OR9Q1: variants seen among roughly 807,000 people sequenced by gnomAD.
OR9Q1 encodes the protein olfactory receptor family 9 subfamily Q member 1.
For missense variants in OR9Q1, 374 were observed against 378.8 expected, an observed-to-expected ratio of 0.99 and a Z score of 0.11; for synonymous variants, 153 against 148.6, an observed-to-expected ratio of 1.03 and a Z score of -0.22.
chr11:58,071,973 C>T (rs1197323453), intron 2 of OR9Q1, among the ~76,000 whole-genome samples: 1 of 152,072 alleles, frequency 6.6e-6, no homozygotes, highest in African/African-American at 2.4e-5. Context: ...GGGTCTAATT[C>T]CTGGGTGATG....
chr11:58,106,653 TTTAGAG>T (rs1853843179), intron 2 of OR9Q1, among the ~76,000 whole-genome samples: 1 of 152,170 alleles, frequency 6.6e-6, no homozygotes, highest in South Asian at 2.1e-4. Flanking sequence ...TTTTAATCTG[TTTAGAG>T]TTAATTTTTG....
At chr11:58,053,661 A>ATTATATATATATTAT (rs1254851190) in intron 1 of OR9Q1, among the ~76,000 whole-genome samples, 18 of 22,916 alleles carry the variant, frequency 7.9e-4, no homozygotes, top group African/African-American at 2.1e-3. Context: ...ATATATATAA[A>ATTATATATATATTAT]ATATATATAT....
intron 2 of OR9Q1, among the ~76,000 whole-genome samples, chr11:58,076,137 C>A (rs2513724): frequency 0.16 from 24,218 of 152,150 alleles, 3,361 homozygotes; most frequent in African/African-American, 0.35. Context: ...ATGGAGAAAA[C>A]TTTTTGGCCT....
chr11:58,163,306 G>A (rs1287265235), intron 2 of OR9Q1, among the ~76,000 whole-genome samples: 1 of 152,200 alleles, frequency 6.6e-6, no homozygotes, highest in Non-Finnish European at 1.5e-5. Context: ...ATCTGTGTGT[G>A]TATAAATTTC....
Position 58,026,160 on chromosome 11 carries a change from G to T in OR9Q1, c.-93+2056G>T, listed in dbSNP as rs576496470. On this transcript the variant is annotated intron_variant, in intron 1 of 2. Transcript: ENST00000335397. ...AAGGCAGGACTTGCAACTCATTTTG[G>T]GTTAGAGGCCTGATGCCTGGTACCA... Among the ~76,000 whole-genome samples, 9 of 152,244 alleles carry T rather than the reference G, an allele frequency of 5.9e-5. No homozygotes were observed. In the South Asian group the frequency reaches 1.9e-3, roughly 32 times the overall value.
chr11:58,145,930 C>A (rs1776740290), intron 2 of OR9Q1, among the ~76,000 whole-genome samples: 1 of 151,994 alleles, frequency 6.6e-6, no homozygotes, highest in Admixed American at 6.6e-5. Context: ...AACATTCAGT[C>A]ATACCCAATT....
At chr11:58,091,613 A>C (rs1434337748) in intron 2 of OR9Q1, among the ~76,000 whole-genome samples, 1 of 152,142 alleles carries the variant, frequency 6.6e-6, no homozygotes, top group Non-Finnish European at 1.5e-5. Context: ...AGAAGAATGT[A>C]TATTCTGTTG....
At chr11:58,147,485 G>A (rs1004970480) in intron 2 of OR9Q1, among the ~76,000 whole-genome samples, 7 of 152,156 alleles carry the variant, frequency 4.6e-5, no homozygotes, top group Non-Finnish European at 7.4e-5. Flanking sequence ...ACAAAGAAAT[G>A]AGTAAAATGC....
intron 1 of OR9Q1, among the ~76,000 whole-genome samples, chr11:58,053,882 A>G (rs1853300934): frequency 6.6e-6 from 1 of 151,736 alleles, no homozygotes; most frequent in Non-Finnish European, 1.5e-5. Flanking sequence ...CATCCCAACC[A>G]CCAGTTCTGG....
At chr11:58,157,722 T>C (rs1317390971) in intron 2 of OR9Q1, among the ~76,000 whole-genome samples, 1 of 152,230 alleles carries the variant, frequency 6.6e-6, no homozygotes, top group Non-Finnish European at 1.5e-5. Context: ...GCTGTTTCAA[T>C]GACTAGAAGC....
intron 2 of OR9Q1, among the ~76,000 whole-genome samples, chr11:58,174,045 G>A (rs1205110883): frequency 6.6e-6 from 1 of 152,108 alleles, no homozygotes; most frequent in Non-Finnish European, 1.5e-5. Context: ...TAGAATAAGA[G>A]TATTTATGGA....
Position 58,180,998 on chromosome 11 carries a change from T to G in OR9Q1, c.*621T>G, listed in dbSNP as rs1392063441. The stretch of plus-strand genomic sequence containing the variant: ...TGATCAAACTATGGTCGTTTGATGA[T>G]CCAATTAGCAAAGCTGACCCTACTC... On this transcript the variant is annotated 3_prime_UTR_variant, in exon 3 of 3. Transcript: ENST00000335397. 1 of 167,054 alleles carries G rather than the reference T, an allele frequency of 6.0e-6. No individual in the cohort carries two copies. Among genetic ancestry groups the G allele is most frequent in the Non-Finnish European group, 1.5e-5 (1 of 68,114 alleles). The allele number at this position is 167,054 out of a possible 1,614,324, so 10.3% of individuals were successfully genotyped here. A position where few individuals can be genotyped will look rare whatever the true frequency, so the allele number is the denominator to read the frequency against.
intron 2 of OR9Q1, among the ~76,000 whole-genome samples, chr11:58,163,723 C>A (rs2119929525): frequency 6.6e-6 from 1 of 152,338 alleles, no homozygotes; most frequent in East Asian, 1.9e-4. Context: ...GGATCAGTTT[C>A]CATTCTACCT....
chr11:58,089,482 T>A (rs1853664362), intron 2 of OR9Q1, among the ~76,000 whole-genome samples: 1 of 151,872 alleles, frequency 6.6e-6, no homozygotes, highest in Admixed American at 6.6e-5. Context: ...GTGTTAATTC[T>A]AAGGTCTCTG....
chr11:58,113,930 T>G lies in OR9Q1; in HGVS notation c.-15+57983T>G, dbSNP rs1853926280. Among the ~76,000 whole-genome samples, 6 of 152,100 alleles carry G rather than the reference T, an allele frequency of 3.9e-5. 1 individual carries two copies. In the South Asian group the frequency reaches 1.2e-3, roughly 32 times the overall value. On this transcript the variant is annotated intron_variant, in intron 2 of 2. Coordinates refer to ENST00000335397, the MANE Select transcript of OR9Q1 (RefSeq NM_001005212.4). ...ACCTCATAGGGAAAGAGCTGGTCCT[T>G]GTGCTCCTGTGAAGAGCTTCTGTGA...
chr11:58,075,809 T>C (rs1853533717), intron 2 of OR9Q1, among the ~76,000 whole-genome samples: 1 of 152,230 alleles, frequency 6.6e-6, no homozygotes, highest in Non-Finnish European at 1.5e-5. Flanking sequence ...TGCAGGTAAT[T>C]GCATCCAATG....
At chr11:58,024,952 C>A (rs2441953) in intron 1 of OR9Q1, among the ~76,000 whole-genome samples, 27,105 of 151,994 alleles carry the variant, frequency 0.18, 2,526 homozygotes, top group South Asian at 0.23. Flanking sequence ...CTTTTTTTGT[C>A]AGAAGCTCTG....
At chr11:58,130,750 T>C (rs1239905442) in intron 2 of OR9Q1, among the ~76,000 whole-genome samples, 2 of 151,226 alleles carry the variant, frequency 1.3e-5, no homozygotes, top group Non-Finnish European at 2.9e-5. Context: ...GAGGTTGCAG[T>C]GAACTGAGAT....
chr11:58,113,187 G>A (rs1395159105), intron 2 of OR9Q1, among the ~76,000 whole-genome samples: 2 of 152,118 alleles, frequency 1.3e-5, no homozygotes, highest in Non-Finnish European at 2.9e-5. Context: ...TAGAAGCAGG[G>A]CTCTACTGTT....
Sources: gnomAD v4.1 joint callset for allele counts (sites outside exome capture counted in the v4.1 genomes callset) on GRCh38, gnomAD v4.1.1 for gene constraint, MANE v1.5 for transcripts, NCBI Gene and HGNC (gene_info 2026-07-23, HGNC 2026-07-21) for gene names.